The following KIFC3 variants were observed in gnomAD, a reference collection of about 807,000 sequenced individuals.
The protein encoded by KIFC3 is kinesin-like protein KIFC3.
A neutral mutation model predicts 101.8 loss-of-function variants in KIFC3; 60 were observed. The observed-to-expected ratio is 0.59, with a 90% CI of 0.48 to 0.73. KIFC3 has a LOEUF of 0.73. Ranked by LOEUF, KIFC3 falls within the 30% of genes least tolerant of loss-of-function variation. KIFC3 has a pLI of 0.00. For missense variants in KIFC3, 966 were observed against 1,137.1 expected, an observed-to-expected ratio of 0.85 and a Z score of 2.16; for synonymous variants, 476 against 482.7, an observed-to-expected ratio of 0.99 and a Z score of 0.18.
chr16:57,764,470 C>T (rs531546307), intron 11 of KIFC3: 7 of 541,368 alleles, frequency 1.3e-5, no homozygotes, highest in Non-Finnish European at 2.3e-5. Context: ...CAGGCCAGTG[C>T]CTGCTGCCCT....
chr16:57,762,373 T>G (rs2049967271), intron 12 of KIFC3, 103 bp from the exon 13 acceptor site: 2 of 1,272,614 alleles, frequency 1.6e-6, no homozygotes, highest in Admixed American at 2.8e-5. Context: ...CAAGCAAGCC[T>G]CCTTGCCCAA....
In KIFC3 at chr16:57,771,426, C is replaced by T. The variant is rs1555608185; in HGVS notation, c.537G>A (p.Gln179=). Residue 179 remains glutamine (Q), a synonymous_variant, in exon 6 of 20, where the codon CAG becomes CAA. Transcript: ENST00000445690. ...GCAGCTGGGACAGCTTGTCACGGAGCTGGGCGCTCTCCTGCAGCCATTGGG... is the reference window on the plus strand; with the variant it reads ...GCAGCTGGGACAGCTTGTCACGGAGTTGGGCGCTCTCCTGCAGCCATTGGG... The part of the protein sequence containing the change: ...PGCEHSQESA[Q]LRDKLSQLQL... The T allele has an allele frequency of 2.5e-6, 4 of 1,613,596 alleles. No individual in the cohort carries two copies. Among genetic ancestry groups the T allele is most frequent in the Non-Finnish European group, 3.4e-6 (4 of 1,180,040 alleles).
Position 57,766,987 on chromosome 16 carries a change from T to TG in KIFC3, c.1219-3dup. 10 of 1,611,716 alleles carry TG rather than the reference T, an allele frequency of 6.2e-6. No individual in the cohort carries two copies. The highest frequency in any genetic ancestry group is 7.6e-6 in the Non-Finnish European group (9 of 1,178,862). On this transcript the variant is annotated splice_region_variant and splice_polypyrimidine_tract_variant and intron_variant, in intron 9 of 19. Transcript: ENST00000445690. ...GACCTCCTCGATGGCCTGGCCTATC[T>TG]GGTGGGGGGTGCACACCACTGTCAG... is the stretch of plus-strand genomic sequence containing the variant.
intron 1 of KIFC3, among the ~76,000 whole-genome samples, chr16:57,829,701 A>G (rs1181265505): frequency 1.3e-5 from 2 of 152,198 alleles, no homozygotes; most frequent in Non-Finnish European, 1.5e-5. Flanking sequence ...ATGTCCATCA[A>G]AGAATCCTCC....
upstream of KIFC3, among the ~76,000 whole-genome samples, chr16:57,808,195 C>A (rs1555627276): frequency 6.6e-6 from 1 of 151,896 alleles, no homozygotes; most frequent in African/African-American, 2.4e-5. Flanking sequence ...CCCCTTTTAT[C>A]ATTTCCTGTA....
intron 1 of KIFC3, among the ~76,000 whole-genome samples, chr16:57,800,328 G>A (rs139902206): frequency 6.6e-6 from 1 of 152,190 alleles, no homozygotes; most frequent in South Asian, 2.1e-4. Context: ...ACAGGGCAGA[G>A]GCTGATCTAA....
chr16:57,763,881 C>G (rs1392301336), intron 12 of KIFC3, among the ~76,000 whole-genome samples: 1 of 152,194 alleles, frequency 6.6e-6, no homozygotes, highest in African/African-American at 2.4e-5. Context: ...ACTCTGTCCC[C>G]AAGCCGAGAT....
intron 4 of KIFC3, 102 bp from the exon 5 acceptor site, chr16:57,771,788 A>G: frequency 7.2e-7 from 1 of 1,381,434 alleles, no homozygotes; most frequent in Non-Finnish European, 9.7e-7. Flanking sequence ...AAGAGAGGAG[A>G]GGTGTGGAGA....
chr16:57,855,211 G>A lies in KIFC3; in HGVS notation c.108+7518C>T, dbSNP rs567110246. 3.9e-4 allele frequency among the ~76,000 whole-genome samples: 54 copies of A among 139,546 alleles called. 1 individual carries two copies. In the South Asian group the frequency reaches 7.5e-3, roughly 20 times the overall value. The allele number at this position is 139,546 out of a possible 152,430, so 91.5% of individuals were successfully genotyped here. ...GTCATCTTGGCTCACTGAAACCTTC[G>A]CCTCCCAGGTTCAAGTGATTCTCAT... On this transcript the variant is annotated intron_variant, in intron 1 of 2. Transcript: ENST00000563028.
chr16:57,783,971 G>T (rs552816261), intron 3 of KIFC3, among the ~76,000 whole-genome samples: 1 of 152,316 alleles, frequency 6.6e-6, no homozygotes, highest in African/African-American at 2.4e-5. Context: ...TTTTGCACTG[G>T]CTAGGCCTCA....
intron 1 of KIFC3, among the ~76,000 whole-genome samples, chr16:57,828,531 A>G (rs1441763748): frequency 1.3e-5 from 2 of 152,236 alleles, no homozygotes; most frequent in Non-Finnish European, 2.9e-5. Flanking sequence ...GTGGCACCTC[A>G]GAAGACAGCC....
intron 1 of KIFC3, among the ~76,000 whole-genome samples, chr16:57,857,818 C>T (rs1407270380): frequency 2.3e-4 from 22 of 95,924 alleles, no homozygotes; most frequent in African/African-American, 4.8e-4. Flanking sequence ...TTCTTTCTTT[C>T]TTTCTTTTTT....
rs117434000 is a variant in KIFC3 at position 57,762,217 on chromosome 16, G to A, written c.1671C>T (p.Ser557=). Residue 557 remains serine, a synonymous_variant, in exon 13 of 20, where the codon TCC becomes TCT. Coordinates refer to ENST00000445690, the MANE Select transcript of KIFC3 (RefSeq NM_001130100.2). ...INQRALQLLF[S]EVQEKASDWE... ...AGTCAGACGCCTTCTCCTGCACCTC[G>A]GAGAAGAGCAGCTGCAGGGCCCGCT... The A allele has an allele frequency of 6.1e-3, 9,773 of 1,608,036 alleles. 40 individuals carry two copies. The highest frequency in any genetic ancestry group is 7.2e-3 in the Non-Finnish European group (8,532 of 1,177,892).
intron 17 of KIFC3, 69 bp from the exon 18 acceptor site, chr16:57,759,905 C>G: frequency 8.4e-7 from 1 of 1,188,934 alleles, no homozygotes; most frequent in Non-Finnish European, 1.2e-6. Context: ...CTGTGCTTCT[C>G]TCTACTCCCC....
Position 57,768,484 on chromosome 16 carries a change from T to C in KIFC3, c.1218+1111A>G, listed in dbSNP as rs546658509. Among the ~76,000 whole-genome samples, 126 of 141,506 alleles carry C rather than the reference T, an allele frequency of 8.9e-4. 1 individual carries two copies. Among genetic ancestry groups the C allele is most frequent in the African/African-American group, 3.2e-3 (123 of 38,450 alleles). 92.8% of individuals were successfully genotyped at this position (141,506 alleles called of 152,430 possible). A position where few individuals can be genotyped will look rare whatever the true frequency, so the allele number is the denominator to read the frequency against. On this transcript the variant is annotated intron_variant, in intron 9 of 19. Coordinates refer to ENST00000445690, the MANE Select transcript of KIFC3 (RefSeq NM_001130100.2). ...AATCTGGGAATGCAGAACCTGTGGA[T>C]GGGGGAAGGGCCTACCATATATTCT... is the stretch of plus-strand genomic sequence containing the variant.
intron 3 of KIFC3, chr16:57,788,528 G>A (rs74022043): frequency 0.11 from 133,344 of 1,262,036 alleles, 7,791 homozygotes; most frequent in African/African-American, 0.19. Flanking sequence ...TCCCTCCTGC[G>A]CTGGCTTCAC....
chr16:57,831,626 G>T (rs975292307), intron 1 of KIFC3, among the ~76,000 whole-genome samples: 1 of 152,162 alleles, frequency 6.6e-6, no homozygotes, highest in Admixed American at 6.6e-5. Flanking sequence ...GGAGGTCCAG[G>T]CTACTGTGAG....
intron 12 of KIFC3, 92 bp from the exon 13 acceptor site, chr16:57,762,362 ACAAG>A: frequency 1.5e-6 from 2 of 1,318,230 alleles, no homozygotes; most frequent in East Asian, 5.4e-5. Flanking sequence ...ACTACCCCTC[ACAAG>A]CAAGCCTCCT....
Position 57,837,554 on chromosome 16 carries a change from G to GAAGGAAGGAAGA in KIFC3, c.108+25174_108+25175insTCTTCCTTCCTT, listed in dbSNP as rs71152302. 2.7e-4 allele frequency among the ~76,000 whole-genome samples: 27 copies of GAAGGAAGGAAGA among 100,010 alleles called. 2 individuals carry two copies. In the East Asian group the frequency reaches 3.5e-3, roughly 13 times the overall value. 65.6% of individuals were successfully genotyped at this position (100,010 alleles called of 152,430 possible). A position where few individuals can be genotyped will look rare whatever the true frequency, so the allele number is the denominator to read the frequency against. ...AAGAAAGAAAGAGAAAGGAAGGAAGGAAGAAAGAAAGAAAGAAAGAAAGAA... is the reference window on the plus strand; with the variant it reads ...AAGAAAGAAAGAGAAAGGAAGGAAGGAAGGAAGGAAGAAAGAAAGAAAGAAAGAAAGAAAGAA... On this transcript the variant is annotated intron_variant, in intron 1 of 2. Coordinates refer to the KIFC3 transcript ENST00000563028.
Sources: allele counts gnomAD v4.1 joint callset (sites outside exome capture counted in the v4.1 genomes callset), GRCh38; gene constraint gnomAD v4.1.1; transcripts MANE v1.5; gene names NCBI Gene and HGNC (gene_info 2026-07-23, HGNC 2026-07-21).